The following C12orf42 variants were observed in gnomAD, a reference collection of about 807,000 sequenced individuals.
The protein encoded by C12orf42 is uncharacterized protein C12orf42.
Under a neutral mutation model 21.6 loss-of-function variants are expected in C12orf42, and 25 were observed. The observed-to-expected ratio is 1.16, with a 90% CI of 0.84 to 1.62. C12orf42 has a LOEUF of 1.62. C12orf42 is among the 40% of genes most tolerant of loss of function. C12orf42 has a pLI of 0.00. For synonymous variants in C12orf42, 174 were observed against 175.0 expected (o/e 0.99, Z 0.05); for missense variants, 483 against 459.3 (o/e 1.05, Z -0.47).
chr12:103,171,883 C>A, the C12orf42 span, among the ~76,000 whole-genome samples: 2 of 152,074 alleles, frequency 1.3e-5, no homozygotes, highest in African/African-American at 4.8e-5. Context: ...AAAGGGAACC[C>A]AGTGTCAATG....
the C12orf42 span, chr12:103,167,933 T>A: frequency 2.7e-5 from 11 of 410,152 alleles, no homozygotes; most frequent in South Asian, 2.0e-4. Flanking sequence ...TGTGTGTGTG[T>A]GTATACTGCA....
chr12:103,232,726 A>AAC (rs2136145353), downstream of C12orf42, among the ~76,000 whole-genome samples: 1 of 151,984 alleles, frequency 6.6e-6, no homozygotes, highest in East Asian at 1.9e-4. Flanking sequence ...AAAAAAAAAA[A>AAC]AAGTTCTATA....
At chr12:103,082,881 G>C in the C12orf42 span, among the ~76,000 whole-genome samples, 2 of 152,164 alleles carry the variant, frequency 1.3e-5, no homozygotes, top group African/African-American at 2.4e-5. Flanking sequence ...CTCTTACTCT[G>C]AATTAGACAC....
chr12:103,166,832 T>G, the C12orf42 span, among the ~76,000 whole-genome samples: 3 of 152,250 alleles, frequency 2.0e-5, no homozygotes, highest in African/African-American at 7.2e-5. Context: ...CATCCATCTT[T>G]TTTTTTCCTT....
chr12:103,557,865 C>G, the C12orf42 span: 2 of 152,120 alleles, frequency 1.3e-5, no homozygotes, highest in Non-Finnish European at 2.9e-5. Context: ...CTAACATAAG[C>G]TTTTGTCTTC....
At chr12:103,492,467 C>A (rs1955245461) in intron 1 of C12orf42, among the ~76,000 whole-genome samples, 1 of 152,228 alleles carries the variant, frequency 6.6e-6, no homozygotes, top group South Asian at 2.1e-4. Flanking sequence ...TTGCTCCTTT[C>A]TGCTAGCTTC....
the C12orf42 span, among the ~76,000 whole-genome samples, chr12:103,163,128 G>A: frequency 6.6e-6 from 1 of 152,076 alleles, no homozygotes; most frequent in African/African-American, 2.4e-5. Flanking sequence ...TGGCAACTAG[G>A]GGAAGAATTT....
the C12orf42 span, among the ~76,000 whole-genome samples, chr12:103,522,123 G>A: frequency 6.6e-6 from 1 of 152,142 alleles, no homozygotes; most frequent in South Asian, 2.1e-4. Context: ...GGGTCAGGTG[G>A]AGATAATTGA....
chr12:103,426,070 C>T (rs775260365), intron 2 of C12orf42, among the ~76,000 whole-genome samples: 21 of 152,238 alleles, frequency 1.4e-4, no homozygotes, highest in Non-Finnish European at 2.8e-4. Flanking sequence ...AGGATCACAA[C>T]TCCTTGTCAG....
the C12orf42 span, among the ~76,000 whole-genome samples, chr12:103,214,866 A>T: frequency 1.1e-4 from 17 of 152,212 alleles, no homozygotes; most frequent in African/African-American, 4.1e-4. Flanking sequence ...ATCCCCTGAC[A>T]TCCTGACCTC....
intron 5 of C12orf42, among the ~76,000 whole-genome samples, chr12:103,275,088 T>C (rs1350891589): frequency 2.6e-5 from 4 of 152,200 alleles, no homozygotes; most frequent in African/African-American, 9.6e-5. Flanking sequence ...CAGTTGAATT[T>C]CAATCCTTAA....
At chr12:103,516,468 A>G in the C12orf42 span, among the ~76,000 whole-genome samples, 1 of 152,214 alleles carries the variant, frequency 6.6e-6, no homozygotes, top group Non-Finnish European at 1.5e-5. Context: ...GTAATTTATA[A>G]AGAAAAGAGG....
At chr12:103,215,783 C>T in the C12orf42 span, among the ~76,000 whole-genome samples, 1 of 152,160 alleles carries the variant, frequency 6.6e-6, no homozygotes, top group Non-Finnish European at 1.5e-5. Flanking sequence ...AATGAAAATG[C>T]CTGAGCCTTG....
the C12orf42 span, among the ~76,000 whole-genome samples, chr12:103,194,313 C>T: frequency 6.6e-6 from 1 of 152,018 alleles, no homozygotes; most frequent in Non-Finnish European, 1.5e-5. Flanking sequence ...ACTGGAATTC[C>T]TAGCCAGAGA....
the C12orf42 span, among the ~76,000 whole-genome samples, chr12:103,516,996 C>T: frequency 6.6e-6 from 1 of 152,098 alleles, no homozygotes; most frequent in South Asian, 2.1e-4. Context: ...CCAAGAAAGA[C>T]CAGGACATGA....
the C12orf42 span, among the ~76,000 whole-genome samples, chr12:103,168,931 G>A: frequency 1.3e-5 from 2 of 152,006 alleles, no homozygotes; most frequent in Non-Finnish European, 2.9e-5. Flanking sequence ...AATGCCACAT[G>A]TTCTCACTCA....
chr12:103,243,005 TA>T lies in C12orf42; in HGVS notation c.*1367-5104del, dbSNP rs76500214. 0.012 allele frequency among the ~76,000 whole-genome samples: 1,759 copies of T among 152,196 alleles called. 100 individuals carry two copies. The East Asian group carries it at 0.19, about 17-fold the overall frequency. ...CTTGCCATTTACTTTAATATAATCATAATTAAACTCCAAATGTTATGGGAAA... is the reference window on the plus strand; with the variant it reads ...CTTGCCATTTACTTTAATATAATCATATTAAACTCCAAATGTTATGGGAAA... On this transcript the variant is annotated intron_variant and NMD_transcript_variant, in intron 10 of 10. Transcript: ENST00000547347.
chr12:103,085,720 T>C, the C12orf42 span, among the ~76,000 whole-genome samples: 1 of 152,256 alleles, frequency 6.6e-6, no homozygotes, highest in Non-Finnish European at 1.5e-5. Flanking sequence ...TGGCTGAAAG[T>C]AGTAGGCCTC....
the C12orf42 span, among the ~76,000 whole-genome samples, chr12:103,184,770 C>CTA: frequency 7.9e-6 from 1 of 126,580 alleles, no homozygotes; most frequent in African/African-American, 3.1e-5. Context: ...CAGCATGTGA[C>CTA]TATATTTAAA....
Sources: allele counts gnomAD v4.1 joint callset (sites outside exome capture counted in the v4.1 genomes callset), GRCh38; gene constraint gnomAD v4.1.1; transcripts MANE v1.5; gene names NCBI Gene and HGNC (gene_info 2026-07-23, HGNC 2026-07-21).